KNDC1: variants seen among roughly 807,000 people sequenced by gnomAD.
KNDC1 encodes kinase non-catalytic C-lobe domain containing 1.
KNDC1 carries 106 observed loss-of-function variants against 172.8 expected under a neutral mutation model. That is an observed-to-expected ratio of 0.61 (90% CI 0.52 to 0.72). The LOEUF is 0.72. Ranked by LOEUF, KNDC1 falls within the 30% of genes least tolerant of loss-of-function variation. The pLI, the probability that KNDC1 is intolerant of heterozygous loss-of-function variation, is 0.00. For synonymous variants in KNDC1, 1,083 were observed against 1,062.2 expected, an observed-to-expected ratio of 1.02 and a Z score of -0.38; for missense variants, 2,325 against 2,394.5, an observed-to-expected ratio of 0.97 and a Z score of 0.61.
At chr10:133,183,513 A>G (rs1853789185) in intron 4 of KNDC1, 23 bp downstream of exon 4, 1 of 1,584,308 alleles carries the variant, frequency 6.3e-7, no homozygotes, top group East Asian at 2.3e-5. Flanking sequence ...GCCCTGGGCC[A>G]CCCCAGGCTG....
Position 133,186,006 on chromosome 10 carries a change from G to T in KNDC1, c.658G>T (p.Ala220Ser). The T allele has an allele frequency of 6.5e-7, 1 of 1,543,162 alleles. No individual in the cohort carries two copies. Among genetic ancestry groups the T allele is most frequent in the Non-Finnish European group, 8.8e-7 (1 of 1,141,360 alleles). The change falls in exon 6 of 30, where the codon GCC becomes TCC. Residue 220 changes from alanine (A) to serine (S), a missense_variant. By Grantham distance (99) the Ala-to-Ser change is moderately conservative. Coordinates refer to ENST00000304613, the MANE Select transcript of KNDC1 (RefSeq NM_152643.8). ...VSESSWRERP[A>S]PGNAGPRRPP... ...CGAGAGCAGCTGGCGGGAGAGACCT[G>T]CCCCAGGAAACGCTGGGCCCAGGAG...
Position 133,209,992 on chromosome 10 carries a change from T to C in KNDC1, c.3795-619T>C, listed in dbSNP as rs1845323983. On this transcript the variant is annotated intron_variant, in intron 20 of 29. Transcript: ENST00000304613. The surrounding 1 kb of genome is among the most constrained non-coding windows in gnomAD (Gnocchi z 4.9). ...CCCAGAACCTTTGAGCGTGCAGCAT[T>C]GCGCCCGGTCCCGAGGCACCAGCTC... 6.6e-6 allele frequency among the ~76,000 whole-genome samples: 1 copy of C among 152,074 alleles called. No individual in the cohort carries two copies. The highest frequency in any genetic ancestry group is 2.1e-4 in the South Asian group (1 of 4,820).
chr10:133,204,017 G>A (rs1259596728), intron 17 of KNDC1, among the ~76,000 whole-genome samples: 1 of 152,196 alleles, frequency 6.6e-6, no homozygotes, highest in East Asian at 1.9e-4. Context: ...CCTTTCCCAG[G>A]AGATTTTCTC....
At position 133,198,538 on chromosome 10, in the gene KNDC1, G is replaced by A. The variant is rs368452291; in HGVS notation, c.2069+39G>A. 5.3e-4 allele frequency: 830 copies of A among 1,580,760 alleles called. 1 individual carries two copies. Among genetic ancestry groups the A allele is most frequent in the African/African-American group, 5.0e-3 (373 of 74,600 alleles). ...CCACACCCCGGAGCTGCTGGGTCCC[G>A]GGCGCAGGCAGCCCCTCCTGAGCTC... On this transcript the variant is annotated intron_variant, in intron 13 of 29. Coordinates refer to ENST00000304613, the MANE Select transcript of KNDC1 (RefSeq NM_152643.8).
At position 133,182,990 on chromosome 10, in the gene KNDC1, G is replaced by C. The variant is rs577421518; in HGVS notation, c.361-354G>C. Among the ~76,000 whole-genome samples the C allele has an allele frequency of 6.8e-3, 617 of 90,980 alleles. 8 individuals carry two copies. Among genetic ancestry groups the C allele is most frequent in the African/African-American group, 0.023 (590 of 25,460 alleles). The allele number at this position is 90,980 out of a possible 152,430, so 59.7% of individuals were successfully genotyped here. ...CACAGGCGGTGTGGGCACAGGCGGC[G>C]TGGGCACAGGCGGCAAGGGCATGGG... On this transcript the variant is annotated intron_variant, in intron 3 of 29. Coordinates refer to ENST00000304613, the MANE Select transcript of KNDC1 (RefSeq NM_152643.8).
chr10:133,203,788 C>G (rs938654616), intron 17 of KNDC1, among the ~76,000 whole-genome samples: 1 of 152,230 alleles, frequency 6.6e-6, no homozygotes, highest in East Asian at 1.9e-4. Context: ...ATTTTAGTTA[C>G]CGTGGATTTA....
chr10:133,161,663 G>C (rs954652813), intron 1 of KNDC1, among the ~76,000 whole-genome samples: 13 of 152,040 alleles, frequency 8.6e-5, no homozygotes, highest in African/African-American at 2.7e-4. Flanking sequence ...GCCTGGATTC[G>C]GTGCAGTTGA....
chr10:133,191,699 C>CA (rs200197624), intron 9 of KNDC1, among the ~76,000 whole-genome samples: 2,026 of 152,112 alleles, frequency 0.013, 55 homozygotes, highest in African/African-American at 0.046. Context: ...GACTCAGTCT[C>CA]AAAAAAATAA....
Position 133,189,736 on chromosome 10 carries a change from C to G in KNDC1, c.1514-16C>G, listed in dbSNP as rs765902245. The G allele has an allele frequency of 1.9e-6, 3 of 1,614,028 alleles. No homozygotes were observed. In the Admixed American group the frequency reaches 5.0e-5, roughly 27 times the overall value. On this transcript the variant is annotated splice_polypyrimidine_tract_variant and intron_variant, in intron 8 of 29. Transcript: ENST00000304613. ...TCGCCAGGGGTGAGGAAAGCTCAGT[C>G]GGGTTTCTCTCTTAGGTTCCTATGA...
At chr10:133,189,986 C>T (rs1564886505) in intron 9 of KNDC1, among the ~76,000 whole-genome samples, 173 bp downstream of exon 9, 1 of 152,216 alleles carries the variant, frequency 6.6e-6, no homozygotes, top group Non-Finnish European at 1.5e-5. Context: ...GGCCGGGGCA[C>T]CAAGACAGGG....
intron 20 of KNDC1, among the ~76,000 whole-genome samples, chr10:133,208,641 T>C (rs1226743236): frequency 6.6e-6 from 1 of 152,090 alleles, no homozygotes; most frequent in Non-Finnish European, 1.5e-5. Context: ...GGCCACCTAC[T>C]AGCCAGGGGT....
intron 7 of KNDC1, 59 bp from the exon 8 acceptor site, chr10:133,189,539 C>T (rs558915571): frequency 1.9e-6 from 3 of 1,541,984 alleles, no homozygotes; most frequent in Non-Finnish European, 2.7e-6. Context: ...TCCTTCCCCC[C>T]AGCCAGCCCC....
At chr10:133,199,375 C>T (rs1324308937) in intron 14 of KNDC1, 83 bp from the exon 15 acceptor site, 1 of 1,577,830 alleles carries the variant, frequency 6.3e-7, no homozygotes, top group Non-Finnish European at 8.6e-7. Context: ...CGAGATCAGC[C>T]TTGTCCGTTT....
At position 133,206,786 on chromosome 10, in the gene KNDC1, C is replaced by T; in HGVS notation, c.3481+8C>T. On this transcript the variant is annotated splice_region_variant and intron_variant, in intron 18 of 29. Transcript: ENST00000304613. Reference sequence around the variant, plus strand: ...AGGAAAAGAGGAACAAAGGTAAGGCCCCTGTGGGCACAGGTCCGAGACCCT... The same window carrying T: ...AGGAAAAGAGGAACAAAGGTAAGGCTCCTGTGGGCACAGGTCCGAGACCCT... The T allele has an allele frequency of 6.2e-7, 1 of 1,613,896 alleles. No homozygotes were observed. Among genetic ancestry groups the T allele is most frequent in the East Asian group, 2.2e-5 (1 of 44,880 alleles).
At position 133,198,819 on chromosome 10, in the gene KNDC1, G is replaced by A. The variant is rs762405356; in HGVS notation, c.2311G>A (p.Glu771Lys). 3.1e-6 allele frequency: 5 copies of A among 1,600,110 alleles called. No homozygotes were observed. The South Asian group carries it at 4.5e-5, about 14-fold the overall frequency. ...ACCCCAGGCCCCAGCAAACCAGCCA[G>A]AGGGGGCCTCATCGGCAGCTCCCGG... ...PPPQAPANQP[E>K]GASSAAPGSP... Residue 771 changes from glutamate (E) to lysine (K), a missense_variant, in exon 14 of 30, where the codon GAG (glutamate) becomes AAG (lysine). Glu to Lys is a moderately conservative substitution (Grantham distance 56). Transcript: ENST00000304613.
intron 3 of KNDC1, among the ~76,000 whole-genome samples, chr10:133,182,332 G>A (rs965587765): frequency 2.6e-5 from 4 of 151,820 alleles, no homozygotes; most frequent in Non-Finnish European, 5.9e-5. Flanking sequence ...AGCCCAGGAC[G>A]CAGGTGCATG....
chr10:133,185,919 A>AGAGGGAGGGGCGG, intron 5 of KNDC1, 55 bp from the exon 6 acceptor site: 1 of 633,992 alleles, frequency 1.6e-6, no homozygotes. Flanking sequence ...GGGCGGGAGG[A>AGAGGGAGGGGCGG]GAGGGGAGGG....
intron 23 of KNDC1, 90 bp downstream of exon 23, chr10:133,211,948 CACAT>C (rs1353750751): frequency 1.2e-5 from 15 of 1,286,008 alleles, no homozygotes; most frequent in Non-Finnish European, 1.6e-5. Flanking sequence ...TGCATGCACA[CACAT>C]ACACACAAGT....
intron 7 of KNDC1, 58 bp from the exon 8 acceptor site, chr10:133,189,540 A>C (rs1854020383): frequency 1.3e-6 from 2 of 1,546,002 alleles, no homozygotes; most frequent in African/African-American, 1.4e-5. Context: ...CCTTCCCCCC[A>C]GCCAGCCCCA....
Sources: gnomAD v4.1 joint callset for allele counts (sites outside exome capture counted in the v4.1 genomes callset) on GRCh38, gnomAD v4.1.1 for gene constraint, Gnocchi (gnomAD v3.1) non-coding constraint, MANE v1.5 for transcripts, NCBI Gene and HGNC (gene_info 2026-07-23, HGNC 2026-07-21) for gene names.